LIPJ: variants seen among roughly 807,000 people sequenced by gnomAD.
The protein encoded by LIPJ is lipase family member J, also known as lipase member J.
A neutral mutation model predicts 39.8 loss-of-function variants in LIPJ; 33 were observed. The ratio of observed to expected loss-of-function variants is 0.83; its 90% CI spans 0.63 to 1.11. The LOEUF (loss-of-function observed/expected upper bound fraction) is 1.11, where lower values mean the gene tolerates loss of function less well. Among genes scored for constraint, LIPJ ranks in the 50% least tolerant of loss-of-function variants. The probability of loss-of-function intolerance (pLI) is 0.00; values close to 1 mark genes in which losing one functional copy is unlikely to be tolerated. For missense variants in LIPJ, 422 were observed against 427.9 expected (o/e 0.99, Z 0.12); for synonymous variants, 128 against 139.2 (o/e 0.92, Z 0.57).
chr10:88,615,627 C>CAAAA, the LIPJ span, among the ~76,000 whole-genome samples: 6 of 24,228 alleles, frequency 2.5e-4, no homozygotes, highest in African/African-American at 4.3e-4. Context: ...GACTCCACCT[C>CAAAA]AAAAAAAAAA....
chr10:88,612,190 TAC>T, the LIPJ span, among the ~76,000 whole-genome samples: 2 of 152,160 alleles, frequency 1.3e-5, no homozygotes, highest in Non-Finnish European at 2.9e-5. Context: ...GAAGGAAAGA[TAC>T]AGTCTTTTCC....
chr10:88,616,376 A>C, the LIPJ span, among the ~76,000 whole-genome samples: 5 of 152,146 alleles, frequency 3.3e-5, no homozygotes, highest in African/African-American at 1.2e-4. Context: ...CGTCAGGGAG[A>C]GGCTGATCCC....
downstream of LIPJ, among the ~76,000 whole-genome samples, chr10:88,611,171 A>G (rs184597679): frequency 5.0e-4 from 76 of 152,324 alleles, no homozygotes; most frequent in African/African-American, 1.7e-3. Context: ...AAAAACGATC[A>G]TTACAGTTTG....
chr10:88,616,437 CA>C, the LIPJ span, among the ~76,000 whole-genome samples: 4 of 152,218 alleles, frequency 2.6e-5, no homozygotes, highest in Non-Finnish European at 4.4e-5. Flanking sequence ...AGGCTCAAAG[CA>C]TAAGATCCTC....
chr10:88,611,984 G>C, the LIPJ span, among the ~76,000 whole-genome samples: 1 of 152,154 alleles, frequency 6.6e-6, no homozygotes, highest in African/African-American at 2.4e-5. Flanking sequence ...CTAAAGTCAA[G>C]ACAAAGGAAA....
At chr10:88,598,963 A>ATATTATTACAATAATATAAAATAT (rs1564935789) in intron 8 of LIPJ, among the ~76,000 whole-genome samples, 2 of 114,912 alleles carry the variant, frequency 1.7e-5, no homozygotes, top group Non-Finnish European at 3.6e-5. Context: ...TAATAATATA[A>ATATTATTACAATAATATAAAATAT]TATATTATAT....
upstream of LIPJ, chr10:88,583,045 C>T (rs904272493): frequency 6.2e-7 from 1 of 1,603,330 alleles, no homozygotes; most frequent in Admixed American, 1.7e-5. Context: ...GTCCTCTTTT[C>T]CCAGGTTTTG....
At chr10:88,605,532 G>C (rs1590089811) in intron 9 of LIPJ, 101 bp from the exon 10 acceptor site, 2 of 766,464 alleles carry the variant, frequency 2.6e-6, no homozygotes, top group South Asian at 3.0e-5. Flanking sequence ...AATACCAGCA[G>C]ACCCAGTACA....
chr10:88,594,714 C>T, exon 6 of LIPJ: 1 of 1,568,470 alleles, frequency 6.4e-7, no homozygotes, highest in Non-Finnish European at 8.6e-7. Flanking sequence ...ATTGATTTCA[C>T]TGTGAAGCAA....
chr10:88,622,881 C>T, the LIPJ span, among the ~76,000 whole-genome samples: 1 of 152,124 alleles, frequency 6.6e-6, no homozygotes, highest in Non-Finnish European at 1.5e-5. Context: ...ACAAGGAGAT[C>T]TGTTAAGAGG....
At chr10:88,583,321 G>A (rs1202881316), upstream of LIPJ, 3 of 1,426,412 alleles carry the variant, frequency 2.1e-6, no homozygotes, top group Non-Finnish European at 9.1e-7. Flanking sequence ...TGGGCCCTGA[G>A]CTTTCCTCCG....
At chr10:88,602,844 C>CA (rs1437981183) in intron 9 of LIPJ, among the ~76,000 whole-genome samples, 197 bp downstream of exon 9, 1 of 152,140 alleles carries the variant, frequency 6.6e-6, no homozygotes, top group Non-Finnish European at 1.5e-5. Flanking sequence ...ATAATCCCAG[C>CA]ACTTTGGGAG....
the LIPJ span, among the ~76,000 whole-genome samples, chr10:88,622,984 A>G: frequency 6.6e-6 from 1 of 152,126 alleles, no homozygotes; most frequent in South Asian, 2.1e-4. Context: ...GATAAAAATT[A>G]AAAGAATATT....
chr10:88,583,776 A>C, upstream of LIPJ: 1 of 908,128 alleles, frequency 1.1e-6, no homozygotes, highest in Non-Finnish European at 1.3e-6. Context: ...CAATTTCTCC[A>C]TCTGGGAAAT....
chr10:88,610,464 T>A (rs2134593962), downstream of LIPJ, among the ~76,000 whole-genome samples: 1 of 152,280 alleles, frequency 6.6e-6, no homozygotes, highest in South Asian at 2.1e-4. Flanking sequence ...TATTAAGATA[T>A]CCACTCTTCC....
intron 2 of LIPJ, 48 bp from the exon 3 acceptor site, chr10:88,590,531 ATGGTAT>A: frequency 1.8e-6 from 1 of 562,816 alleles, no homozygotes; most frequent in Middle Eastern, 3.3e-4. Flanking sequence ...AGTTTTATAA[ATGGTAT>A]TATTTGCTGC....
chr10:88,594,093 C>T lies in LIPJ; in HGVS notation c.278C>T (p.Ser93Phe), dbSNP rs1184414498. The change falls in exon 5 of 11, where the codon TCC becomes TTC. Residue 93 changes from serine (S) to phenylalanine (F), a missense_variant. By Grantham distance (155) the Ser-to-Phe change is radical. Coordinates refer to ENST00000371939, the Ensembl canonical transcript of LIPJ. ...GGAAATAGCAGAGGAAATACCTGGT[C>T]CAGGAAACACTTGTACCTAGAAACG... 3.7e-6 allele frequency: 6 copies of T among 1,611,512 alleles called. No individual in the cohort carries two copies. The Admixed American group carries it at 1.0e-4, about 27-fold the overall frequency.
intron 9 of LIPJ, among the ~76,000 whole-genome samples, chr10:88,603,789 G>A (rs79993112): frequency 0.02 from 3,072 of 152,100 alleles, 80 homozygotes; most frequent in South Asian, 0.085. Context: ...TTTCATTTAC[G>A]AAAGTTTAAA....
chr10:88,596,889 A>G lies in LIPJ; in HGVS notation c.676A>G (p.Asn226Asp), dbSNP rs887908156. ...ACAGATTTTTGATAAGATTTGCCTC[A>G]ATATCTTGTTTATGATGTTTGGATA... The change falls in exon 8 of 11, where the codon AAT (asparagine) becomes GAT (aspartate). Residue 226 changes from asparagine (N) to aspartate (D), a missense_variant. Coordinates refer to ENST00000371939, the Ensembl canonical transcript of LIPJ. 3.8e-6 allele frequency: 6 copies of G among 1,588,058 alleles called. No individual in the cohort carries two copies. The African/African-American group carries it at 8.1e-5, about 21-fold the overall frequency.
Sources: allele counts gnomAD v4.1 joint callset (sites outside exome capture counted in the v4.1 genomes callset), GRCh38; gene constraint gnomAD v4.1.1; transcripts MANE v1.5; gene names NCBI Gene and HGNC (gene_info 2026-07-23, HGNC 2026-07-21).